Variants in DGKI observed in about 807,000 individuals in gnomAD.
DGKI encodes diacylglycerol kinase iota, also known as DAG kinase iota.
Under a neutral mutation model 147.5 loss-of-function variants are expected in DGKI, and 55 were observed. The observed-to-expected ratio is 0.37, with a 90% CI of 0.30 to 0.47. The LOEUF (loss-of-function observed/expected upper bound fraction) is 0.47. Among genes scored for constraint, DGKI ranks in the 20% least tolerant of loss-of-function variants. DGKI has a pLI of 1.00. For synonymous variants in DGKI, 469 were observed against 477.1 expected (o/e 0.98, Z 0.22); for missense variants, 1,007 against 1,323.8 (o/e 0.76, Z 3.71).
intron 6 of DGKI, among the ~76,000 whole-genome samples, chr7:137,632,891 AAACG>A (rs58057174): frequency 0.055 from 8,224 of 149,928 alleles, 686 homozygotes; most frequent in African/African-American, 0.18. Flanking sequence ...ACAAACAAAC[AAACG>A]TGAGGCCCAG....
At chr7:137,533,266 C>T (rs928196383) in intron 20 of DGKI, among the ~76,000 whole-genome samples, 3 of 151,684 alleles carry the variant, frequency 2.0e-5, no homozygotes, top group Non-Finnish European at 4.4e-5. Flanking sequence ...TTCAGCCTAG[C>T]CACAGAGTGA....
intron 21 of DGKI, among the ~76,000 whole-genome samples, chr7:137,514,277 G>C (rs1435893040): frequency 6.6e-6 from 1 of 152,128 alleles, no homozygotes. Context: ...TGGGACCACT[G>C]TTGTATATGC....
At chr7:137,667,880 T>C (rs1032351020) in intron 3 of DGKI, among the ~76,000 whole-genome samples, 1 of 152,230 alleles carries the variant, frequency 6.6e-6, no homozygotes, top group African/African-American at 2.4e-5. Flanking sequence ...CATTTTTTAA[T>C]GAGGACATCA....
chr7:137,447,465 T>C (rs1330463435), intron 27 of DGKI, among the ~76,000 whole-genome samples: 1 of 152,144 alleles, frequency 6.6e-6, no homozygotes, highest in Non-Finnish European at 1.5e-5. Context: ...GAAAGAAGGC[T>C]TAGAAAAACA....
intron 21 of DGKI, among the ~76,000 whole-genome samples, chr7:137,502,924 G>C (rs749801660): frequency 1.3e-5 from 2 of 152,072 alleles, no homozygotes; most frequent in Non-Finnish European, 2.9e-5. Flanking sequence ...ATGGACTCAC[G>C]AGTCCCATAT....
intron 1 of DGKI, among the ~76,000 whole-genome samples, chr7:137,708,340 A>AT (rs1249518634): frequency 6.6e-6 from 1 of 152,226 alleles, no homozygotes; most frequent in Non-Finnish European, 1.5e-5. Flanking sequence ...CAAAAAAGCA[A>AT]TATCTTCTCT....
intron 10 of DGKI, 107 bp from the exon 11 acceptor site, chr7:137,600,012 G>T: frequency 1.0e-6 from 1 of 962,432 alleles, no homozygotes; most frequent in Non-Finnish European, 1.6e-6. Flanking sequence ...CACAGGGCAC[G>T]GTGGCACACG....
chr7:137,575,611 CAG>C (rs908144830), intron 17 of DGKI, among the ~76,000 whole-genome samples: 1 of 152,152 alleles, frequency 6.6e-6, no homozygotes, highest in Non-Finnish European at 1.5e-5. Flanking sequence ...GCTGAAGAAA[CAG>C]GGGAAGTTTA....
rs1325704570 is a variant in DGKI, at chr7:137,846,654, C to T, written c.209G>A (p.Ser70Asn). ...GCTCCCGGCGCCGCTTCCGCTGCTG[C>T]TGCTGCCGCCCGTCGCCCCTTTCTC... ...GEEKGATGGS[S>N]SSGSGAGSCC... The change falls in exon 1 of 33, where the codon AGC becomes AAC. Residue 70 changes from serine to asparagine, a missense_variant. By Grantham distance (46) the Ser-to-Asn change is conservative. Transcript: ENST00000614521. This position sits in a 1 kb window ranked among gnomAD's most constrained non-coding sequence, Gnocchi z 4.0. 17 of 1,068,774 alleles carry T rather than the reference C, an allele frequency of 1.6e-5. No individual in the cohort carries two copies. The Admixed American group carries it at 7.0e-4, about 44-fold the overall frequency. The allele number at this position is 1,068,774 out of a possible 1,614,324, so 66.2% of individuals were successfully genotyped here. A position where few individuals can be genotyped will look rare whatever the true frequency, so the allele number is the denominator to read the frequency against.
At chr7:137,816,144 A>T (rs910424862) in intron 1 of DGKI, among the ~76,000 whole-genome samples, 1 of 152,102 alleles carries the variant, frequency 6.6e-6, no homozygotes, top group African/African-American at 2.4e-5. Context: ...TATGTTTTGG[A>T]TGCATTGTTT....
intron 20 of DGKI, among the ~76,000 whole-genome samples, chr7:137,540,840 A>G (rs1022826184): frequency 6.7e-6 from 1 of 150,354 alleles, no homozygotes; most frequent in Admixed American, 6.7e-5. Context: ...ATCTAACAAA[A>G]TAGGTATAAA....
At chr7:137,823,442 A>G (rs1165228409) in intron 1 of DGKI, among the ~76,000 whole-genome samples, 9 of 152,228 alleles carry the variant, frequency 5.9e-5, no homozygotes, top group African/African-American at 2.2e-4. Flanking sequence ...TCTGACTCCC[A>G]TGTACCCTCT....
chr7:137,576,043 C>CTTTTTTTTTT (rs1386281275), intron 17 of DGKI, among the ~76,000 whole-genome samples: 2 of 135,068 alleles, frequency 1.5e-5, no homozygotes, highest in African/African-American at 2.8e-5. Context: ...TTTTCTTTTT[C>CTTTTTTTTTT]TTTTTTTTTT....
intron 1 of DGKI, among the ~76,000 whole-genome samples, chr7:137,830,407 T>G (rs1798184709): frequency 6.6e-6 from 1 of 152,222 alleles, no homozygotes; most frequent in Admixed American, 6.5e-5. Context: ...GAGCTGACTG[T>G]GCTCTGGAGT....
intron 21 of DGKI, among the ~76,000 whole-genome samples, chr7:137,499,214 T>C (rs1816082831): frequency 6.6e-6 from 1 of 152,160 alleles, no homozygotes; most frequent in South Asian, 2.1e-4. Flanking sequence ...ACGAGTAAAG[T>C]AGTTATCCCA....
rs1815997857 is a variant in DGKI at position 137,497,141 on chromosome 7, A to T, written c.2249-9452T>A. Among the ~76,000 whole-genome samples, 4 of 152,216 alleles carry T rather than the reference A, an allele frequency of 2.6e-5. No individual in the cohort carries two copies. The South Asian group carries it at 8.3e-4, about 32-fold the overall frequency. Reference sequence around the variant, plus strand: ...AAAAAAGTGGGCAAAAGACATGAACAGACATATTTCAAAAGAAGACATATA... The same window carrying T: ...AAAAAAGTGGGCAAAAGACATGAACTGACATATTTCAAAAGAAGACATATA... On this transcript the variant is annotated intron_variant, in intron 21 of 32. Transcript: ENST00000614521.
chr7:137,405,712 G>A (rs1258939826), intron 30 of DGKI, among the ~76,000 whole-genome samples: 1 of 152,096 alleles, frequency 6.6e-6, no homozygotes, highest in Non-Finnish European at 1.5e-5. Flanking sequence ...AGGACATCTG[G>A]GAGCTTCCAC....
rs1554446609 is a variant in DGKI, at chr7:137,638,613, C to CATATATGTATATATGTGTAT, written c.804+6858_804+6859insATACACATATATACATATAT. 8.3e-4 allele frequency among the ~76,000 whole-genome samples: 13 copies of CATATATGTATATATGTGTAT among 15,748 alleles called. 1 individual carries two copies. The highest frequency in any genetic ancestry group is 4.9e-3 in the African/African-American group (13 of 2,664). 10.3% of individuals were successfully genotyped at this position (15,748 alleles called of 152,430 possible). Reference sequence around the variant, plus strand: ...ATATATACATATATGTATATATATACACACACACATATATATGTGTGTATA... The same window carrying CATATATGTATATATGTGTAT: ...ATATATACATATATGTATATATATACATATATGTATATATGTGTATACACACACATATATATGTGTGTATA... On this transcript the variant is annotated intron_variant, in intron 6 of 32. Transcript: ENST00000614521.
At chr7:137,793,817 A>G (rs1796942626) in intron 1 of DGKI, among the ~76,000 whole-genome samples, 1 of 152,236 alleles carries the variant, frequency 6.6e-6, no homozygotes, top group Non-Finnish European at 1.5e-5. Context: ...TGGAGTTTGA[A>G]TAAAGTTATT....
Sources: gnomAD v4.1 joint callset for allele counts (sites outside exome capture counted in the v4.1 genomes callset) on GRCh38, gnomAD v4.1.1 for gene constraint, Gnocchi (gnomAD v3.1) non-coding constraint, MANE v1.5 for transcripts, NCBI Gene and HGNC (gene_info 2026-07-23, HGNC 2026-07-21) for gene names.